The following AK5 variants were observed in gnomAD, a reference collection of about 807,000 sequenced individuals.
The protein encoded by AK5 is adenylate kinase 5.
In AK5, 27 loss-of-function variants were observed where a neutral mutation model predicts 69.5. The ratio of observed to expected loss-of-function variants is 0.39; its 90% CI spans 0.29 to 0.54. The LOEUF is 0.54. Among genes scored for constraint, AK5 ranks in the 20% least tolerant of loss-of-function variants. The pLI is 0.71. For synonymous variants in AK5, 260 were observed against 244.4 expected, an observed-to-expected ratio of 1.06 and a Z score of -0.60; for missense variants, 531 against 700.4, an observed-to-expected ratio of 0.76 and a Z score of 2.73.
intron 5 of AK5, among the ~76,000 whole-genome samples, chr1:77,318,569 C>CA (rs1184038425): frequency 6.6e-6 from 1 of 152,110 alleles, no homozygotes; most frequent in Non-Finnish European, 1.5e-5. Context: ...GTATTAATGT[C>CA]ATTAGGTGCA....
At chr1:77,497,112 A>G (rs893098779) in intron 10 of AK5, among the ~76,000 whole-genome samples, 1 of 152,248 alleles carries the variant, frequency 6.6e-6, no homozygotes, top group Non-Finnish European at 1.5e-5. Flanking sequence ...TATGAGCTGT[A>G]ACACTCACTG....
chr1:77,540,895 GT>G (rs1266455697), intron 13 of AK5, among the ~76,000 whole-genome samples: 4 of 151,296 alleles, frequency 2.6e-5, no homozygotes, highest in Admixed American at 6.6e-5. Context: ...GAGCTTAGGA[GT>G]TTTTTTTTGT....
At chr1:77,317,815 A>T (rs1453823106) in intron 5 of AK5, among the ~76,000 whole-genome samples, 1 of 152,242 alleles carries the variant, frequency 6.6e-6, no homozygotes, top group Non-Finnish European at 1.5e-5. Flanking sequence ...TTGTTAAAAA[A>T]TGTGTATTGT....
At chr1:77,377,316 T>A (rs1647315375) in intron 6 of AK5, among the ~76,000 whole-genome samples, 1 of 152,190 alleles carries the variant, frequency 6.6e-6, no homozygotes. Flanking sequence ...CTATGTCCCT[T>A]ACCTCAATAA....
intron 10 of AK5, among the ~76,000 whole-genome samples, chr1:77,495,191 CTT>C (rs1656237313): frequency 6.6e-6 from 1 of 152,152 alleles, no homozygotes; most frequent in South Asian, 2.1e-4. Flanking sequence ...GGTTAAATAA[CTT>C]TCCCAAGGTT....
intron 13 of AK5, among the ~76,000 whole-genome samples, chr1:77,551,922 C>T (rs924263930): frequency 6.6e-6 from 1 of 152,132 alleles, no homozygotes; most frequent in African/African-American, 2.4e-5. Context: ...TGACCTCGTG[C>T]TCATGGAGCT....
chr1:77,282,725 C>T, intron 1 of AK5: 3 of 1,054,290 alleles, frequency 2.8e-6, no homozygotes, highest in South Asian at 4.0e-5. Flanking sequence ...GGTCAGGTGG[C>T]TGCACTGTCG....
chr1:77,312,381 G>A (rs1490393482), intron 5 of AK5, among the ~76,000 whole-genome samples: 4 of 152,058 alleles, frequency 2.6e-5, no homozygotes, highest in African/African-American at 9.7e-5. Context: ...TTGGGAGGCC[G>A]AGGCAGGTGG....
At chr1:77,409,025 G>A (rs1649852748) in intron 6 of AK5, among the ~76,000 whole-genome samples, 1 of 152,102 alleles carries the variant, frequency 6.6e-6, no homozygotes, top group Non-Finnish European at 1.5e-5. Flanking sequence ...TTGGTTTTCT[G>A]TTCCTGCATT....
At position 77,452,978 on chromosome 1, in the gene AK5, G is replaced by A. The variant is rs192623535; in HGVS notation, c.1060-30339G>A. Among the ~76,000 whole-genome samples, 199 of 152,258 alleles carry A rather than the reference G, an allele frequency of 1.3e-3. 5 individuals carry two copies. Among genetic ancestry groups the A allele is most frequent in the Non-Finnish European group, 1.9e-4 (13 of 68,000 alleles). The stretch of plus-strand genomic sequence containing the variant: ...ACTAGGAAGCAAAATTAAATAGATT[G>A]TATAAAATATTTCATACAGACTAAA... On this transcript the variant is annotated intron_variant, in intron 8 of 13. Transcript: ENST00000354567.
At chr1:77,310,833 A>G (rs1260553979) in intron 5 of AK5, among the ~76,000 whole-genome samples, 3 of 152,088 alleles carry the variant, frequency 2.0e-5, no homozygotes, top group African/African-American at 7.3e-5. Flanking sequence ...ACATATTCCC[A>G]TCCATGAACA....
chr1:77,333,850 A>G (rs1283275393), intron 5 of AK5, among the ~76,000 whole-genome samples: 1 of 152,228 alleles, frequency 6.6e-6, no homozygotes, highest in African/African-American at 2.4e-5. Context: ...TTAATGTCTC[A>G]TAGAAATCAG....
At chr1:77,404,218 T>C (rs1055420983) in intron 6 of AK5, among the ~76,000 whole-genome samples, 2 of 152,194 alleles carry the variant, frequency 1.3e-5, no homozygotes, top group Non-Finnish European at 2.9e-5. Flanking sequence ...TTCACAATTT[T>C]TTCACGACTG....
chr1:77,321,839 A>G (rs1660551050), intron 5 of AK5, among the ~76,000 whole-genome samples: 3 of 152,224 alleles, frequency 2.0e-5, no homozygotes, highest in Non-Finnish European at 4.4e-5. Flanking sequence ...GGAAGGACTA[A>G]TATTGTCTAT....
intron 8 of AK5, among the ~76,000 whole-genome samples, chr1:77,419,008 C>T (rs1206829458): frequency 6.6e-6 from 1 of 151,418 alleles, no homozygotes; most frequent in Non-Finnish European, 1.5e-5. Context: ...CAATTCTTCA[C>T]AACATCTCTA....
Position 77,285,641 on chromosome 1 carries a change from C to T in AK5, c.61-1300C>T, listed in dbSNP as rs74090439. Among the ~76,000 whole-genome samples, 1,105 of 152,274 alleles carry T rather than the reference C, an allele frequency of 7.3e-3. 9 individuals are homozygous for T. The highest frequency in any genetic ancestry group is 0.025 in the African/African-American group (1,056 of 41,552). On this transcript the variant is annotated intron_variant, in intron 1 of 13. Transcript: ENST00000354567. ...GTCCAGCTTCCAGGAATCAGCATTT[C>T]CAAACTGGTAGCATTTTTAGAATCT...
At chr1:77,357,637 A>G (rs1416191632) in intron 6 of AK5, among the ~76,000 whole-genome samples, 1 of 152,186 alleles carries the variant, frequency 6.6e-6, no homozygotes, top group African/African-American at 2.4e-5. Context: ...AGTTATATCT[A>G]AGGTATATCT....
At position 77,558,914 on chromosome 1, in the gene AK5, C is replaced by T; in HGVS notation, c.*244C>T. On this transcript the variant is annotated 3_prime_UTR_variant, in exon 14 of 14. Coordinates refer to ENST00000354567, the MANE Select transcript of AK5 (RefSeq NM_174858.3). ...TTCAGACAACTGTCTGCACTCACGG[C>T]ACACACACTTTGTATCATGCAGGCC... The T allele has an allele frequency of 2.1e-6, 1 of 469,780 alleles. No homozygotes were observed. The highest frequency in any genetic ancestry group is 3.9e-6 in the Non-Finnish European group (1 of 257,170). The allele number at this position is 469,780 out of a possible 1,614,324, so 29.1% of individuals were successfully genotyped here. A position where few individuals can be genotyped will look rare whatever the true frequency, so the allele number is the denominator to read the frequency against.
intron 8 of AK5, among the ~76,000 whole-genome samples, chr1:77,475,309 G>A (rs964220006): frequency 6.5e-5 from 9 of 137,996 alleles, no homozygotes; most frequent in African/African-American, 2.5e-4. Context: ...AGGTAGAAGG[G>A]GCAGAATGTA....
Sources: allele counts gnomAD v4.1 joint callset (sites outside exome capture counted in the v4.1 genomes callset), GRCh38; gene constraint gnomAD v4.1.1; transcripts MANE v1.5; gene names NCBI Gene and HGNC (gene_info 2026-07-23, HGNC 2026-07-21).